Variants in ROBO1 observed in about 807,000 individuals in gnomAD.
The protein encoded by ROBO1 is roundabout homolog 1.
Under a neutral mutation model 195.9 loss-of-function variants are expected in ROBO1, and 149 were observed. The ratio of observed to expected loss-of-function variants is 0.76; its 90% CI spans 0.67 to 0.87. ROBO1 has a LOEUF of 0.87. Among genes scored for constraint, ROBO1 ranks in the 40% least tolerant of loss-of-function variants. ROBO1 has a pLI of 0.00. For missense variants in ROBO1, 1,933 were observed against 2,068.3 expected (o/e 0.93, Z 1.27); for synonymous variants, 816 against 733.2 (o/e 1.11, Z -1.82).
At chr3:79,336,024 C>T (rs1349370076) in intron 2 of ROBO1, among the ~76,000 whole-genome samples, 2 of 152,142 alleles carry the variant, frequency 1.3e-5, no homozygotes, top group Non-Finnish European at 2.9e-5. Context: ...ATGTATGGAA[C>T]TTTGAACTTG....
chr3:78,744,691 A>G (rs575262956), intron 5 of ROBO1, among the ~76,000 whole-genome samples: 29 of 152,066 alleles, frequency 1.9e-4, no homozygotes, highest in Non-Finnish European at 3.8e-4. Flanking sequence ...TGTATAGTTG[A>G]TTCCATCAAT....
intron 2 of ROBO1, among the ~76,000 whole-genome samples, chr3:79,480,473 G>GA (rs1938779924): frequency 6.6e-6 from 1 of 152,096 alleles, no homozygotes; most frequent in South Asian, 2.1e-4. Context: ...CCCTGATTAT[G>GA]ATCAAGCTCT....
At chr3:79,503,101 G>GA (rs1940195658) in intron 2 of ROBO1, among the ~76,000 whole-genome samples, 1 of 151,600 alleles carries the variant, frequency 6.6e-6, no homozygotes, top group Admixed American at 6.6e-5. Flanking sequence ...AATAAATCTC[G>GA]CTGCTGCTCA....
At chr3:79,118,575 A>G (rs112182149) in intron 3 of ROBO1, among the ~76,000 whole-genome samples, 39 of 152,184 alleles carry the variant, frequency 2.6e-4, no homozygotes, top group Non-Finnish European at 4.3e-4. Context: ...TTTTGCTTAT[A>G]TTTTAAAAAT....
chr3:79,756,832 C>A (rs997763204), intron 1 of ROBO1, among the ~76,000 whole-genome samples: 1 of 152,126 alleles, frequency 6.6e-6, no homozygotes. Context: ...CTCTTAATCC[C>A]TGCTGACCAC....
chr3:79,678,584 G>T lies in ROBO1; in HGVS notation c.-50-88623C>A, dbSNP rs1946852416. ...AAATCTTCAATTCCTCTTTTAGATA[G>T]AAATTCCTTAGAAATTTTAGAATTC... is the stretch of plus-strand genomic sequence containing the variant. On this transcript the variant is annotated intron_variant, in intron 1 of 30. Transcript: ENST00000464233. Among the ~76,000 whole-genome samples the T allele has an allele frequency of 2.6e-5, 4 of 152,112 alleles. No individual in the cohort carries two copies. The South Asian group carries it at 8.3e-4, about 32-fold the overall frequency.
At chr3:78,650,338 A>T (rs570380101) in intron 19 of ROBO1, among the ~76,000 whole-genome samples, 6 of 152,254 alleles carry the variant, frequency 3.9e-5, no homozygotes, top group African/African-American at 1.4e-4. Flanking sequence ...GAGGACACAT[A>T]TCTGAAAAAA....
At chr3:78,941,562 T>C (rs2040143418) in intron 3 of ROBO1, among the ~76,000 whole-genome samples, 1 of 152,156 alleles carries the variant, frequency 6.6e-6, no homozygotes, top group Admixed American at 6.5e-5. Flanking sequence ...TATAGGCTGT[T>C]ATGAGGATAC....
At chr3:79,330,948 C>T (rs973176429) in intron 2 of ROBO1, among the ~76,000 whole-genome samples, 3 of 151,996 alleles carry the variant, frequency 2.0e-5, no homozygotes, top group Non-Finnish European at 4.4e-5. Flanking sequence ...ATTTTATGTC[C>T]CTGAAATGTG....
intron 2 of ROBO1, among the ~76,000 whole-genome samples, chr3:79,280,414 G>A (rs986240063): frequency 6.6e-5 from 10 of 152,050 alleles, no homozygotes; most frequent in Non-Finnish European, 1.5e-4. Flanking sequence ...ATATACAAAA[G>A]TTGGTAGAAA....
intron 5 of ROBO1, 27 bp from the exon 6 acceptor site, chr3:78,717,910 C>T (rs1369160077): frequency 1.2e-6 from 2 of 1,609,946 alleles, no homozygotes; most frequent in Non-Finnish European, 1.7e-6. Flanking sequence ...CACAGGAATA[C>T]TATTAAAATT....
intron 2 of ROBO1, among the ~76,000 whole-genome samples, chr3:79,545,202 T>C (rs1378953777): frequency 1.3e-5 from 2 of 152,146 alleles, no homozygotes; most frequent in East Asian, 3.9e-4. Context: ...GTGAATTCAC[T>C]GCTACATCGA....
rs1704229603 is a variant in ROBO1 at position 78,617,991 on chromosome 3, T to C, written c.3926A>G (p.His1309Arg). The C allele has an allele frequency of 6.2e-7, 1 of 1,613,710 alleles. No individual in the cohort carries two copies. The highest frequency in any genetic ancestry group is 1.7e-5 in the Admixed American group (1 of 59,990). The change falls in exon 27 of 31, where the codon CAT (histidine) becomes CGT (arginine). Residue 1309 changes from histidine to arginine, a missense_variant. Physicochemically the swap from His to Arg is conservative, Grantham distance 29. Coordinates refer to ENST00000464233, the MANE Select transcript of ROBO1 (RefSeq NM_002941.4). ...PPPPRPISPP[H>R]TYGYISGPLV... Reference sequence around the variant, plus strand: ...GGGTCCTGAAATGTAGCCATAGGTATGTGGAGGGGAGATCGGCCGTGGTGG... The same window carrying C: ...GGGTCCTGAAATGTAGCCATAGGTACGTGGAGGGGAGATCGGCCGTGGTGG...
Position 79,202,801 on chromosome 3 carries a change from G to T in ROBO1, c.89-77262C>A, listed in dbSNP as rs558866307. ...AGAGTTTCTTAAACAAAACTTTTTAGTTCCTTAAGCCTTAATTTTGGTTTC... is the reference window on the plus strand; with the variant it reads ...AGAGTTTCTTAAACAAAACTTTTTATTTCCTTAAGCCTTAATTTTGGTTTC... On this transcript the variant is annotated intron_variant, in intron 2 of 30. Transcript: ENST00000464233. 2.1e-3 allele frequency among the ~76,000 whole-genome samples: 322 copies of T among 152,044 alleles called. 3 individuals are homozygous for T. Among genetic ancestry groups the T allele is most frequent in the South Asian group, 0.017 (81 of 4,808 alleles).
intron 21 of ROBO1, among the ~76,000 whole-genome samples, chr3:78,643,761 G>A (rs988785141): frequency 2.8e-4 from 43 of 152,216 alleles, no homozygotes; most frequent in Admixed American, 2.8e-3. Context: ...TGTCTCCAGT[G>A]AGCAAAGGGA....
At chr3:79,407,590 A>T (rs898960860) in intron 2 of ROBO1, among the ~76,000 whole-genome samples, 3 of 152,004 alleles carry the variant, frequency 2.0e-5, no homozygotes, top group African/African-American at 7.2e-5. Context: ...TTAAACTCTT[A>T]TTTAATAGGT....
At chr3:79,522,635 TAATA>T (rs1293007922) in intron 2 of ROBO1, among the ~76,000 whole-genome samples, 1 of 152,168 alleles carries the variant, frequency 6.6e-6, no homozygotes, top group African/African-American at 2.4e-5. Flanking sequence ...AAAGGGAACT[TAATA>T]AACCCCTTTT....
At chr3:79,519,486 G>A (rs148541735) in intron 2 of ROBO1, among the ~76,000 whole-genome samples, 20 of 151,732 alleles carry the variant, frequency 1.3e-4, no homozygotes, top group African/African-American at 2.2e-4. Flanking sequence ...AAAATTAGCC[G>A]GGCGTGGTGG....
At chr3:79,317,324 T>C (rs1282740990) in intron 2 of ROBO1, among the ~76,000 whole-genome samples, 1 of 152,148 alleles carries the variant, frequency 6.6e-6, no homozygotes, top group Non-Finnish European at 1.5e-5. Flanking sequence ...CATAGCCTTC[T>C]TCCATCTGAC....
Sources: gnomAD v4.1 joint callset for allele counts (sites outside exome capture counted in the v4.1 genomes callset) on GRCh38, gnomAD v4.1.1 for gene constraint, MANE v1.5 for transcripts, NCBI Gene and HGNC (gene_info 2026-07-23, HGNC 2026-07-21) for gene names.